HPSE2: variants seen among roughly 807,000 people sequenced by gnomAD.
HPSE2 encodes inactive heparanase-2.
HPSE2 carries 38 observed loss-of-function variants against 60.5 expected under a neutral mutation model. The ratio of observed to expected loss-of-function variants is 0.63; its 90% CI spans 0.48 to 0.82. The LOEUF is 0.82. Among genes scored for constraint, HPSE2 ranks in the 40% least tolerant of loss-of-function variants. The pLI is 0.00. For synonymous variants in HPSE2, 295 were observed against 293.2 expected (o/e 1.01, Z -0.06); for missense variants, 713 against 740.4 (o/e 0.96, Z 0.43).
At chr10:99,158,381 A>T (rs540343660) in intron 2 of HPSE2, among the ~76,000 whole-genome samples, 13 of 104,264 alleles carry the variant, frequency 1.2e-4, no homozygotes, top group African/African-American at 3.8e-4. Flanking sequence ...AGACTGGATT[A>T]AGAAAATGTG....
At chr10:99,021,251 T>G (rs1469131567) in intron 3 of HPSE2, among the ~76,000 whole-genome samples, 1 of 152,208 alleles carries the variant, frequency 6.6e-6, no homozygotes, top group Non-Finnish European at 1.5e-5. Flanking sequence ...AAGAGTTTAT[T>G]GAGCACTTAG....
chr10:99,012,655 C>T (rs1053566857), intron 3 of HPSE2, among the ~76,000 whole-genome samples: 21 of 152,198 alleles, frequency 1.4e-4, no homozygotes, highest in African/African-American at 5.1e-4. Flanking sequence ...CATATACAAC[C>T]TTATGCAAAA....
Position 98,849,575 on chromosome 10 carries a change from T to C in HPSE2, c.611-105519A>G, listed in dbSNP as rs191193746. Among the ~76,000 whole-genome samples the C allele has an allele frequency of 3.7e-3, 561 of 152,272 alleles. 2 individuals are homozygous for C. The highest frequency in any genetic ancestry group is 0.013 in the African/African-American group (537 of 41,548). ...TAAGAAATGGCTTCACCAAAGGCTT[T>C]GGAAGTAAAAGTCAAGGATTTACTA... is the stretch of plus-strand genomic sequence containing the variant. On this transcript the variant is annotated intron_variant, in intron 3 of 11. Transcript: ENST00000370552.
intron 2 of HPSE2, among the ~76,000 whole-genome samples, chr10:99,195,184 T>C (rs1405097683): frequency 6.6e-6 from 1 of 152,114 alleles, no homozygotes; most frequent in Non-Finnish European, 1.5e-5. Context: ...CATCCCTTCA[T>C]GATAAAAACC....
At chr10:98,969,431 A>G (rs2135261651) in intron 3 of HPSE2, among the ~76,000 whole-genome samples, 1 of 152,314 alleles carries the variant, frequency 6.6e-6, no homozygotes, top group African/African-American at 2.4e-5. Context: ...CCCAGTGCCA[A>G]CTATTTTTGC....
At chr10:98,821,460 G>A (rs1364419671) in intron 3 of HPSE2, among the ~76,000 whole-genome samples, 1 of 152,084 alleles carries the variant, frequency 6.6e-6, no homozygotes, top group Non-Finnish European at 1.5e-5. Context: ...TACAATTATG[G>A]GACACTGTCA....
intron 3 of HPSE2, among the ~76,000 whole-genome samples, chr10:98,831,091 T>A (rs1951673100): frequency 6.6e-6 from 1 of 152,152 alleles, no homozygotes; most frequent in Non-Finnish European, 1.5e-5. Context: ...CACATTTTTC[T>A]GAAATTTTAA....
intron 3 of HPSE2, among the ~76,000 whole-genome samples, chr10:98,835,827 C>T (rs112132741): frequency 3.9e-5 from 6 of 152,290 alleles, no homozygotes; most frequent in African/African-American, 1.4e-4. Flanking sequence ...TGGGTCCTCA[C>T]ACCTTTTCTT....
intron 9 of HPSE2, among the ~76,000 whole-genome samples, chr10:98,561,464 T>C (rs1416856251): frequency 2.0e-5 from 3 of 152,156 alleles, no homozygotes; most frequent in Non-Finnish European, 1.5e-5. Context: ...GGCTAAATAT[T>C]ATTATACAAG....
intron 6 of HPSE2, among the ~76,000 whole-genome samples, chr10:98,655,515 G>A (rs1398618940): frequency 6.6e-6 from 1 of 152,172 alleles, no homozygotes; most frequent in East Asian, 1.9e-4. Context: ...TTTCAGGGTG[G>A]TGTTTGCTCT....
At chr10:98,806,264 T>C (rs1951039418) in intron 3 of HPSE2, among the ~76,000 whole-genome samples, 1 of 152,152 alleles carries the variant, frequency 6.6e-6, no homozygotes, top group African/African-American at 2.4e-5. Context: ...CAGGTCCAGT[T>C]CCCTCAGTTT....
At chr10:98,821,636 C>A (rs901713800) in intron 3 of HPSE2, among the ~76,000 whole-genome samples, 2 of 152,174 alleles carry the variant, frequency 1.3e-5, no homozygotes, top group Admixed American at 1.3e-4. Flanking sequence ...ACGTTTACAC[C>A]AACAGCCGTT....
chr10:98,778,277 A>AGAGAGAGAGAGAGAGAGT (rs1554991984), intron 3 of HPSE2, among the ~76,000 whole-genome samples: 2 of 150,244 alleles, frequency 1.3e-5, no homozygotes, highest in African/African-American at 4.9e-5. Flanking sequence ...AGAGAGAGAG[A>AGAGAGAGAGAGAGAGAGT]GAGAGAGAGA....
intron 7 of HPSE2, among the ~76,000 whole-genome samples, chr10:98,629,164 C>G (rs1239820634): frequency 6.6e-6 from 1 of 152,196 alleles, no homozygotes. Context: ...AGCAATAAAA[C>G]AGGAATAGCG....
At position 98,460,455 on chromosome 10, in the gene HPSE2, C is replaced by G. The variant is rs141853460; in HGVS notation, c.1614-716G>C. Reference sequence around the variant, plus strand: ...TAGCCTGAGCAACATAGCGAGACCCCATTTCTACAAACAATATAAAAGCAA... The same window carrying G: ...TAGCCTGAGCAACATAGCGAGACCCGATTTCTACAAACAATATAAAAGCAA... On this transcript the variant is annotated intron_variant, in intron 11 of 11. Coordinates refer to ENST00000370552, the MANE Select transcript of HPSE2 (RefSeq NM_021828.5). Among the ~76,000 whole-genome samples the G allele has an allele frequency of 5.5e-3, 843 of 152,050 alleles. 14 individuals carry two copies. Among genetic ancestry groups the G allele is most frequent in the African/African-American group, 0.019 (807 of 41,464 alleles).
In HPSE2 at chr10:99,079,503, G is replaced by A. The variant is rs1245802876; in HGVS notation, c.610+64735C>T. On this transcript the variant is annotated intron_variant, in intron 3 of 11. Transcript: ENST00000370552. The stretch of plus-strand genomic sequence containing the variant: ...AAACTCTATCTCATCCAAGGGAGAA[G>A]CCGGGATCTGGAGTTATTCACCTAT... 2.0e-5 allele frequency among the ~76,000 whole-genome samples: 3 copies of A among 152,128 alleles called. 1 individual carries two copies. The highest frequency in any genetic ancestry group is 4.1e-4 in the South Asian group (2 of 4,822).
chr10:98,715,485 T>C (rs1359981535), intron 5 of HPSE2, among the ~76,000 whole-genome samples: 1 of 151,994 alleles, frequency 6.6e-6, no homozygotes, highest in Non-Finnish European at 1.5e-5. Context: ...GTTTTTTTCT[T>C]TCATGCTACT....
intron 2 of HPSE2, among the ~76,000 whole-genome samples, chr10:99,161,348 G>C (rs546461352): frequency 6.6e-6 from 1 of 151,900 alleles, no homozygotes; most frequent in South Asian, 2.1e-4. Context: ...TCCATAAAAT[G>C]AAATGCCATT....
chr10:98,952,549 G>A (rs1955393986), intron 3 of HPSE2, among the ~76,000 whole-genome samples: 2 of 152,108 alleles, frequency 1.3e-5, no homozygotes, highest in Non-Finnish European at 1.5e-5. Context: ...AAGAATTCCT[G>A]TTGCTCTGGC....
Sources: gnomAD v4.1 joint callset for allele counts (sites outside exome capture counted in the v4.1 genomes callset) on GRCh38, gnomAD v4.1.1 for gene constraint, MANE v1.5 for transcripts, NCBI Gene and HGNC (gene_info 2026-07-23, HGNC 2026-07-21) for gene names.